Variants in SYNE2 observed in about 807,000 individuals in gnomAD.
SYNE2 encodes spectrin repeat containing nuclear envelope protein 2.
In SYNE2, 431 loss-of-function variants were observed where a neutral mutation model predicts 856.3. That is an observed-to-expected ratio of 0.50 (90% CI 0.47 to 0.55). The LOEUF (loss-of-function observed/expected upper bound fraction) is 0.55, where lower values mean the gene tolerates loss of function less well. Among genes scored for constraint, SYNE2 ranks in the 20% least tolerant of loss-of-function variants. The pLI is 0.00. For missense variants in SYNE2, 8,129 were observed against 8,023.2 expected, an observed-to-expected ratio of 1.01 and a Z score of -0.50; for synonymous variants, 2,923 against 2,872.3, an observed-to-expected ratio of 1.02 and a Z score of -0.56.
intron 1 of SYNE2, among the ~76,000 whole-genome samples, chr14:63,789,228 A>G (rs1887645214): frequency 1.3e-5 from 2 of 152,240 alleles, no homozygotes; most frequent in South Asian, 2.1e-4. Flanking sequence ...ATCTGCTCCA[A>G]CTGAACAGGT....
At chr14:64,224,324 C>T (rs1437154508) in intron 113 of SYNE2, 137 bp from the exon 114 acceptor site, 6 of 844,132 alleles carry the variant, frequency 7.1e-6, no homozygotes, top group Admixed American at 3.7e-5. Context: ...GCACTCCAGC[C>T]TGGGTGACAC....
intron 85 of SYNE2, among the ~76,000 whole-genome samples, chr14:64,155,562 T>C (rs1036139369): frequency 3.3e-5 from 5 of 151,296 alleles, no homozygotes; most frequent in African/African-American, 1.2e-4. Context: ...ACATGAATTA[T>C]ATTTCAATAA....
intron 18 of SYNE2, among the ~76,000 whole-genome samples, 184 bp downstream of exon 18, chr14:63,984,070 T>C (rs1038011910): frequency 1.3e-5 from 2 of 152,138 alleles, no homozygotes; most frequent in African/African-American, 4.8e-5. Context: ...GGCAAAACCC[T>C]GTCTATACCA....
In SYNE2 at chr14:64,119,582, G is replaced by A; in HGVS notation, c.12996G>A (p.Met4332Ile). 6.2e-7 allele frequency: 1 copy of A among 1,614,180 alleles called. No homozygotes were observed. ...VKCNLEKVQM[M>I]LQEKHSEDQH... ...GCAATTTAGAAAAAGTCCAGATGAT[G>A]CTTCAGGAGAAGCACAGTGAAGATC... The change falls in exon 67 of 116, where the codon ATG becomes ATA. Residue 4332 changes from methionine to isoleucine, a missense_variant. Coordinates refer to ENST00000555002, the MANE Select transcript of SYNE2 (RefSeq NM_182914.3).
chr14:63,959,586 C>T (rs925317785), intron 8 of SYNE2, among the ~76,000 whole-genome samples: 33 of 152,066 alleles, frequency 2.2e-4, no homozygotes, highest in African/African-American at 7.2e-4. Flanking sequence ...CTTAAGCCAC[C>T]GTACGTGGCC....
intron 24 of SYNE2, 23 bp from the exon 25 acceptor site, chr14:63,997,278 A>G (rs2096720894): frequency 6.2e-7 from 1 of 1,606,572 alleles, no homozygotes; most frequent in South Asian, 1.1e-5. Context: ...TCTTTTAAAC[A>G]TGCAATTTTG....
At chr14:63,874,048 T>TAA (rs2094654908) in intron 1 of SYNE2, 1 of 152,360 alleles carries the variant, frequency 6.6e-6, no homozygotes, top group Admixed American at 6.5e-5. Flanking sequence ...TTAGGACAGT[T>TAA]AAAAACCATT....
chr14:64,145,941 G>C, intron 83 of SYNE2, 127 bp from the exon 84 acceptor site: 1 of 607,198 alleles, frequency 1.6e-6, no homozygotes, highest in East Asian at 3.3e-5. Flanking sequence ...AGTTATCAGA[G>C]CATCTTATTA....
chr14:63,871,954 C>T (rs1289934496), intron 1 of SYNE2, among the ~76,000 whole-genome samples: 2 of 152,158 alleles, frequency 1.3e-5, no homozygotes, highest in Non-Finnish European at 2.9e-5. Context: ...TCCTCCTCCC[C>T]AGAGGAAGCT....
At chr14:63,900,313 G>C (rs145261526) in intron 1 of SYNE2, among the ~76,000 whole-genome samples, 323 of 152,320 alleles carry the variant, frequency 2.1e-3, no homozygotes, top group South Asian at 5.0e-3. Flanking sequence ...AGACATACTT[G>C]AGACTGGGAA....
chr14:64,177,273 T>C, intron 95 of SYNE2, 85 bp from the exon 96 acceptor site: 1 of 1,532,346 alleles, frequency 6.5e-7, no homozygotes, highest in Non-Finnish European at 9.0e-7. Flanking sequence ...ATAGAAAGAT[T>C]ATGTGGATTA....
chr14:63,841,386 C>G (rs887255941), intron 1 of SYNE2, among the ~76,000 whole-genome samples: 1 of 152,210 alleles, frequency 6.6e-6, no homozygotes, highest in African/African-American at 2.4e-5. Flanking sequence ...GGAAGCACAT[C>G]TCTTCCCTTC....
chr14:63,929,749 C>T (rs542620670), intron 2 of SYNE2, among the ~76,000 whole-genome samples: 8 of 146,824 alleles, frequency 5.4e-5, no homozygotes, highest in South Asian at 2.1e-4. Context: ...CTGGCCTGGG[C>T]GACAAGAGTG....
intron 57 of SYNE2, among the ~76,000 whole-genome samples, chr14:64,083,285 C>T (rs926504045): frequency 2.0e-5 from 3 of 151,856 alleles, no homozygotes; most frequent in Non-Finnish European, 2.9e-5. Flanking sequence ...TCCACATCCC[C>T]AAAGTTTGTC....
intron 2 of SYNE2, among the ~76,000 whole-genome samples, chr14:63,912,962 C>CT: frequency 6.6e-6 from 1 of 152,190 alleles, no homozygotes; most frequent in Non-Finnish European, 1.5e-5. Flanking sequence ...GAGAGAGGGT[C>CT]TTGCTCTGTC....
intron 1 of SYNE2, among the ~76,000 whole-genome samples, chr14:63,871,298 T>C (rs1360301471): frequency 6.6e-6 from 1 of 151,666 alleles, no homozygotes; most frequent in Non-Finnish European, 1.5e-5. Context: ...CTCTGCCTCC[T>C]GGGTTCAAGC....
chr14:64,130,261 C>A lies in SYNE2; in HGVS notation c.14340+13C>A, dbSNP rs754277465. ...AGAAAATCACAAGGTGAGACAGACA[C>A]ATGGGTCGGGTGACCCCTTCATAGA... On this transcript the variant is annotated intron_variant, in intron 76 of 115. Transcript: ENST00000555002. The A allele has an allele frequency of 1.9e-6, 3 of 1,607,118 alleles. No homozygotes were observed. The highest frequency in any genetic ancestry group is 3.4e-5 in the Admixed American group (2 of 59,606).
chr14:64,219,045 A>G (rs1202820613), intron 109 of SYNE2, among the ~76,000 whole-genome samples, 163 bp from the exon 110 acceptor site: 3 of 150,770 alleles, frequency 2.0e-5, no homozygotes, highest in Non-Finnish European at 4.4e-5. Flanking sequence ...ACATTCCAGG[A>G]GAAGAGAGAA....
intron 1 of SYNE2, among the ~76,000 whole-genome samples, chr14:63,907,668 T>G (rs2095424712): frequency 6.6e-6 from 1 of 151,984 alleles, no homozygotes; most frequent in Admixed American, 6.6e-5. Context: ...GGTGCCAAAA[T>G]GAAGAAGTGC....
Sources: gnomAD v4.1 joint callset for allele counts (sites outside exome capture counted in the v4.1 genomes callset) on GRCh38, gnomAD v4.1.1 for gene constraint, MANE v1.5 for transcripts, NCBI Gene and HGNC (gene_info 2026-07-23, HGNC 2026-07-21) for gene names.